CCDC88C: variants seen among roughly 807,000 people sequenced by gnomAD.
The protein encoded by CCDC88C is coiled-coil and HOOK domain protein 88C.
Under a neutral mutation model 198.8 loss-of-function variants are expected in CCDC88C, and 131 were observed. The ratio of observed to expected loss-of-function variants is 0.66; its 90% CI spans 0.57 to 0.76. CCDC88C has a LOEUF of 0.76. Among genes scored for constraint, CCDC88C ranks in the 30% least tolerant of loss-of-function variants. The probability of loss-of-function intolerance (pLI) is 0.00; values close to 1 mark genes in which losing one functional copy is unlikely to be tolerated. For missense variants in CCDC88C, 2,553 were observed against 2,631.6 expected, an observed-to-expected ratio of 0.97 and a Z score of 0.65; for synonymous variants, 1,166 against 1,114.7, an observed-to-expected ratio of 1.05 and a Z score of -0.92.
At position 91,417,634 on chromosome 14, in the gene CCDC88C, G is replaced by C. The variant is rs1397913694; in HGVS notation, c.57C>G (p.Thr19=). 3.1e-6 allele frequency: 5 copies of C among 1,590,996 alleles called. No homozygotes were observed. The highest frequency in any genetic ancestry group is 1.4e-5 in the African/African-American group (1 of 72,038). ...GCGGGGAGCCAGGCGCACTCACCCA[G>C]GTCACCAGCGGGCTCTGCAGGAAGA... The part of the protein sequence containing the change: ...LELFLQSPLV[T]WVKTFGPFGS... Residue 19 remains threonine (T), a synonymous_variant, in exon 1 of 30, where the codon ACC becomes ACG. Transcript: ENST00000389857.
chr14:91,314,210 G>A (rs1022436052), intron 14 of CCDC88C, 60 bp from the exon 15 acceptor site: 13 of 1,353,290 alleles, frequency 9.6e-6, no homozygotes, highest in Non-Finnish European at 1.3e-5. Context: ...TCAGTGACAT[G>A]GGCTCACACT....
At position 91,321,313 on chromosome 14, in the gene CCDC88C, A is replaced by G. The variant is rs1028092022; in HGVS notation, c.1343-9T>C. 1.5e-5 allele frequency: 24 copies of G among 1,551,284 alleles called. No homozygotes were observed. The East Asian group carries it at 5.9e-4, about 38-fold the overall frequency. ...AAACGACTTCCTGGAGGCTGAAGAC[A>G]AAGTCCAGTCAGAGCCCAGTGGTCT... On this transcript the variant is annotated splice_polypyrimidine_tract_variant and intron_variant, in intron 12 of 29. Coordinates refer to ENST00000389857, the MANE Select transcript of CCDC88C (RefSeq NM_001080414.4).
At position 91,417,734 on chromosome 14, in the gene CCDC88C, C is replaced by G; in HGVS notation, c.-44G>C. 1.4e-6 allele frequency: 2 copies of G among 1,445,370 alleles called. No homozygotes were observed. Among genetic ancestry groups the G allele is most frequent in the Non-Finnish European group, 1.8e-6 (2 of 1,089,520 alleles). 89.5% of individuals were successfully genotyped at this position (1,445,370 alleles called of 1,614,324 possible). ...GGCTCCGCGCCCCCCGCCCCGCGTC[C>G]CCGTTCCCCCGCGCCGCGGCACAAA... On this transcript the variant is annotated 5_prime_UTR_variant, in exon 1 of 30. Coordinates refer to ENST00000389857, the MANE Select transcript of CCDC88C (RefSeq NM_001080414.4).
chr14:91,369,367 C>T (rs8003498), intron 3 of CCDC88C, among the ~76,000 whole-genome samples: 16,287 of 152,056 alleles, frequency 0.11, 1,515 homozygotes, highest in African/African-American at 0.26. Context: ...CCGTCATGTC[C>T]GGCTAATTTT....
At chr14:91,308,099 T>A (rs1252907442) in intron 17 of CCDC88C, among the ~76,000 whole-genome samples, 1 of 152,236 alleles carries the variant, frequency 6.6e-6, no homozygotes, top group Non-Finnish European at 1.5e-5. Context: ...TGTTCCCGTA[T>A]CTTGCCTGGT....
chr14:91,302,444 C>G (rs1331236096), intron 20 of CCDC88C, among the ~76,000 whole-genome samples: 1 of 152,206 alleles, frequency 6.6e-6, no homozygotes, highest in African/African-American at 2.4e-5. Flanking sequence ...CATCCTACCT[C>G]TCCTAGCCCT....
intron 10 of CCDC88C, among the ~76,000 whole-genome samples, chr14:91,326,259 G>C (rs953929800): frequency 2.0e-5 from 3 of 151,884 alleles, no homozygotes; most frequent in Non-Finnish European, 2.9e-5. Flanking sequence ...TGTCGCCCAG[G>C]CTGGGGTGCA....
rs1404169958 is a variant in CCDC88C at position 91,287,014 on chromosome 14, A to G, written c.4441+2091T>C. Among the ~76,000 whole-genome samples, 8 of 152,318 alleles carry G rather than the reference A, an allele frequency of 5.3e-5. No individual in the cohort carries two copies. In the South Asian group the frequency reaches 1.0e-3, roughly 20 times the overall value. On this transcript the variant is annotated intron_variant, in intron 25 of 29. Coordinates refer to ENST00000389857, the MANE Select transcript of CCDC88C (RefSeq NM_001080414.4). ...CAAGACATGGTGGCTGCTAGTGAAC[A>G]TGATCATGGTTTACAGACCTGCTTG...
At chr14:91,354,772 G>GACA (rs780664773) in intron 4 of CCDC88C, among the ~76,000 whole-genome samples, 2 of 152,188 alleles carry the variant, frequency 1.3e-5, no homozygotes, top group Admixed American at 6.5e-5. Flanking sequence ...CGAACGCACT[G>GACA]ACAACAACAA....
intron 22 of CCDC88C, among the ~76,000 whole-genome samples, chr14:91,295,155 C>T (rs2139760908): frequency 6.6e-6 from 1 of 152,282 alleles, no homozygotes; most frequent in Non-Finnish European, 1.5e-5. Flanking sequence ...CTCCTCTTCA[C>T]CCCATAAGCA....
chr14:91,349,603 T>C (rs1264735379), intron 4 of CCDC88C, among the ~76,000 whole-genome samples: 5 of 152,310 alleles, frequency 3.3e-5, no homozygotes, highest in East Asian at 1.9e-4. Context: ...CTGTTGAGAA[T>C]AGGAGAACCC....
chr14:91,390,109 G>A (rs1417921191), intron 3 of CCDC88C, among the ~76,000 whole-genome samples: 1 of 151,498 alleles, frequency 6.6e-6, no homozygotes, highest in African/African-American at 2.4e-5. Flanking sequence ...AAAAAAAAAA[G>A]AGAAAATATA....
intron 29 of CCDC88C, 48 bp downstream of exon 29, chr14:91,277,874 G>C (rs1890028312): frequency 2.8e-6 from 4 of 1,452,108 alleles, no homozygotes; most frequent in Non-Finnish European, 3.7e-6. Context: ...GCCAGGAAGA[G>C]ACAGAGAGGG....
At chr14:91,356,246 T>TGC (rs1894035898) in intron 4 of CCDC88C, among the ~76,000 whole-genome samples, 1 of 152,222 alleles carries the variant, frequency 6.6e-6, no homozygotes, top group South Asian at 2.1e-4. Flanking sequence ...CAGCCTCCTC[T>TGC]GCTCTCAGAG....
intron 24 of CCDC88C, 134 bp downstream of exon 24, chr14:91,290,859 ACT>A (rs1890631823): frequency 1.6e-6 from 1 of 620,510 alleles, no homozygotes; most frequent in Non-Finnish European, 2.9e-6. Flanking sequence ...AGGATTCTGA[ACT>A]CTCTCTGATG....
intron 10 of CCDC88C, among the ~76,000 whole-genome samples, chr14:91,329,073 ACATC>A (rs542574353): frequency 1.2e-3 from 179 of 152,312 alleles, no homozygotes; most frequent in African/African-American, 4.1e-3. Flanking sequence ...GGGCAGGCAG[ACATC>A]CTACCCACCC....
Position 91,314,048 on chromosome 14 carries a change from T to C in CCDC88C, c.1768A>G (p.Lys590Glu), listed in dbSNP as rs1891980457. ...GTCTGGTGGAGGGCTTTGTTCTCCT[T>C]CTCCACGTCTTTCATGCGGGCCTCA... ...SSEARMKDVE[K>E]ENKALHQTVT... Residue 590 changes from lysine (K) to glutamate (E), a missense_variant, in exon 15 of 30, where the codon AAG becomes GAG. Coordinates refer to ENST00000389857, the MANE Select transcript of CCDC88C (RefSeq NM_001080414.4). 1.2e-6 allele frequency: 2 copies of C among 1,613,622 alleles called. No homozygotes were observed. The highest frequency in any genetic ancestry group is 2.7e-5 in the African/African-American group (2 of 74,806).
intron 23 of CCDC88C, among the ~76,000 whole-genome samples, chr14:91,291,880 T>A (rs1166837880): frequency 6.6e-6 from 1 of 152,220 alleles, no homozygotes. Context: ...GACCTTGGCC[T>A]TCCTCATACA....
At chr14:91,405,888 A>G (rs759727152) in intron 3 of CCDC88C, among the ~76,000 whole-genome samples, 1 of 152,202 alleles carries the variant, frequency 6.6e-6, no homozygotes, top group Non-Finnish European at 1.5e-5. Context: ...AGACGCAGTG[A>G]CCACTCCCTG....
Sources: gnomAD v4.1 joint callset for allele counts (sites outside exome capture counted in the v4.1 genomes callset) on GRCh38, gnomAD v4.1.1 for gene constraint, MANE v1.5 for transcripts, NCBI Gene and HGNC (gene_info 2026-07-23, HGNC 2026-07-21) for gene names.